The following MS4A4E variants were observed in gnomAD, a reference collection of about 807,000 sequenced individuals.
The protein encoded by MS4A4E is putative membrane-spanning 4-domains subfamily A member 4E.
MS4A4E carries 23 observed loss-of-function variants against 13.3 expected under a neutral mutation model. The observed-to-expected ratio is 1.73, with a 90% CI of 1.25 to 2.45. MS4A4E has a LOEUF of 2.45. Among genes scored for constraint, MS4A4E ranks in the 30% most tolerant of loss-of-function variants. MS4A4E has a pLI of 0.00. For synonymous variants in MS4A4E, 36 were observed against 45.6 expected (o/e 0.79, Z 0.85); for missense variants, 144 against 131.2 (o/e 1.10, Z -0.48).
chr11:60,214,551 C>T lies in MS4A4E; in HGVS notation c.222+20G>A. 6.7e-7 allele frequency: 1 copy of T among 1,488,920 alleles called. No individual in the cohort carries two copies. Among genetic ancestry groups the T allele is most frequent in the Non-Finnish European group, 9.0e-7 (1 of 1,115,160 alleles). 92.2% of individuals were successfully genotyped at this position (1,488,920 alleles called of 1,614,324 possible). On this transcript the variant is annotated intron_variant, in intron 4 of 8. Coordinates refer to ENST00000651255, the MANE Select transcript of MS4A4E (RefSeq NM_001393391.1). ...TGATTAATCCTTTCCTTTTGATACCCCCCACAAAACATTACTCACCAGACC... is the reference window on the plus strand; with the variant it reads ...TGATTAATCCTTTCCTTTTGATACCTCCCACAAAACATTACTCACCAGACC...
rs535677830 is a variant in MS4A4E, at chr11:60,243,056, C to T, written c.-115G>A. 25 of 1,071,144 alleles carry T rather than the reference C, an allele frequency of 2.3e-5. No homozygotes were observed. Among genetic ancestry groups the T allele is most frequent in the East Asian group, 1.8e-4 (7 of 38,630 alleles). 66.4% of individuals were successfully genotyped at this position (1,071,144 alleles called of 1,614,324 possible). ...TGTTCCAGACACAGTCAGCTTCCCC[C>T]ACTCCACACCTCACTCAGTTTAAAT... On this transcript the variant is annotated 5_prime_UTR_variant, in exon 1 of 9. Coordinates refer to ENST00000651255, the MANE Select transcript of MS4A4E (RefSeq NM_001393391.1).
At chr11:60,221,868 A>G (rs2084274096) in intron 3 of MS4A4E, among the ~76,000 whole-genome samples, 2 of 152,234 alleles carry the variant, frequency 1.3e-5, no homozygotes, top group African/African-American at 4.8e-5. Context: ...GAGGATTTTA[A>G]TAATCAAGTA....
chr11:60,218,563 C>T (rs543964258), intron 3 of MS4A4E, among the ~76,000 whole-genome samples: 76 of 152,168 alleles, frequency 5.0e-4, no homozygotes, highest in African/African-American at 1.6e-3. Flanking sequence ...AGCCAGCCAA[C>T]GCTTAGGGAA....
At chr11:60,206,497 A>ATATATGTATATATATG (rs2084047645) in intron 6 of MS4A4E, among the ~76,000 whole-genome samples, 1 of 81,288 alleles carries the variant, frequency 1.2e-5, no homozygotes, top group African/African-American at 5.1e-5. Context: ...ATGTATATAT[A>ATATATGTATATATATG]TACGTATATA....
chr11:60,214,497 C>T, intron 4 of MS4A4E, 74 bp downstream of exon 4: 2 of 1,069,022 alleles, frequency 1.9e-6, no homozygotes, highest in South Asian at 1.9e-5. Context: ...CAAACAAAAC[C>T]TGTTTTATAC....
chr11:60,229,981 A>T lies in MS4A4E; in HGVS notation c.75T>A (p.Asp25Glu), dbSNP rs2084388156. Residue 25 changes from aspartate (D) to glutamate (E), a missense_variant, in exon 2 of 9, where the codon GAT (aspartate) becomes GAA (glutamate). This residue lies in a region of MS4A4E where 119 missense variants were observed against 88.7 expected (regional missense o/e 1.34). Coordinates refer to ENST00000651255, the MANE Select transcript of MS4A4E (RefSeq NM_001393391.1). ...CTTTACACAGATATGAATGTATGAC[A>T]TCTATGTTTCCCAGCTGGGGCACAT... Reference protein sequence around the residue: ...GPDVPQLGNIDVIHSYLCKGL... With the variant: ...GPDVPQLGNIEVIHSYLCKGL... 1.2e-6 allele frequency: 2 copies of T among 1,613,706 alleles called. No individual in the cohort carries two copies. Among genetic ancestry groups the T allele is most frequent in the South Asian group, 2.2e-5 (2 of 91,020 alleles).
At chr11:60,229,072 G>A (rs2084376706) in intron 2 of MS4A4E, among the ~76,000 whole-genome samples, 1 of 152,186 alleles carries the variant, frequency 6.6e-6, no homozygotes, top group South Asian at 2.1e-4. Context: ...TCATCAACTG[G>A]AACAAATGTC....
chr11:60,214,418 T>C (rs1006521073), intron 4 of MS4A4E, among the ~76,000 whole-genome samples, 153 bp downstream of exon 4: 2 of 152,186 alleles, frequency 1.3e-5, no homozygotes, highest in African/African-American at 4.8e-5. Context: ...TCATTAGCCT[T>C]ATCGTAATTT....
intron 1 of MS4A4E, among the ~76,000 whole-genome samples, chr11:60,240,731 T>TC (rs879598412): frequency 6.6e-6 from 1 of 152,042 alleles, no homozygotes; most frequent in Non-Finnish European, 1.5e-5. Flanking sequence ...AATGTTCCAC[T>TC]CCCCCGGCCA....
At chr11:60,236,217 G>A (rs2084480624) in intron 1 of MS4A4E, among the ~76,000 whole-genome samples, 1 of 152,270 alleles carries the variant, frequency 6.6e-6, no homozygotes, top group South Asian at 2.1e-4. Context: ...TTCGTAGTAA[G>A]TTTTGAATTG....
At chr11:60,223,050 G>GA (rs113391522) in intron 3 of MS4A4E, among the ~76,000 whole-genome samples, 2,657 of 144,768 alleles carry the variant, frequency 0.018, 20 homozygotes, top group Non-Finnish European at 0.025. Context: ...ACTCCACCAG[G>GA]AAAAAAAAAA....
rs2084081559 is a variant in MS4A4E at position 60,208,791 on chromosome 11, C to G, written c.382-97G>C. On this transcript the variant is annotated intron_variant, in intron 5 of 8. Coordinates refer to ENST00000651255, the MANE Select transcript of MS4A4E (RefSeq NM_001393391.1). ...AGTGTCATAAGAGAAAAAGCACTGGCTGGGAGTCAGGAAACCTGCCTCCCA... is the reference window on the plus strand; with the variant it reads ...AGTGTCATAAGAGAAAAAGCACTGGGTGGGAGTCAGGAAACCTGCCTCCCA... 1.5e-5 allele frequency: 7 copies of G among 478,726 alleles called. No individual in the cohort carries two copies. In the South Asian group the frequency reaches 3.4e-4, roughly 23 times the overall value. 29.7% of individuals were successfully genotyped at this position (478,726 alleles called of 1,614,324 possible). A position where few individuals can be genotyped will look rare whatever the true frequency, so the allele number is the denominator to read the frequency against.
At position 60,201,063 on chromosome 11, in the gene MS4A4E, G is replaced by A. The variant is rs1290227413; in HGVS notation, c.*480C>T. Among the ~76,000 whole-genome samples the A allele has an allele frequency of 1.4e-5, 2 of 146,566 alleles. No homozygotes were observed. Among genetic ancestry groups the A allele is most frequent in the Non-Finnish European group, 3.0e-5 (2 of 66,234 alleles). On this transcript the variant is annotated 3_prime_UTR_variant, in exon 9 of 9. Coordinates refer to ENST00000651255, the MANE Select transcript of MS4A4E (RefSeq NM_001393391.1). ...CCAGACGTGGTGGCTGGCCGGGTGG[G>A]GGGCTGAACCCCCCACCTCCCTCCC...
At chr11:60,228,109 A>C (rs1433811607) in intron 3 of MS4A4E, among the ~76,000 whole-genome samples, 1 of 152,202 alleles carries the variant, frequency 6.6e-6, no homozygotes, top group Non-Finnish European at 1.5e-5. Context: ...AATTTTATTA[A>C]AATTAAAAAA....
At chr11:60,203,700 G>C (rs926213504) in intron 8 of MS4A4E, among the ~76,000 whole-genome samples, 1 of 152,162 alleles carries the variant, frequency 6.6e-6, no homozygotes, top group African/African-American at 2.4e-5. Context: ...ATTGAGCCAA[G>C]ATCATACCCC....
rs2084021259 is a variant in MS4A4E at position 60,204,926 on chromosome 11, T to C, written c.623A>G (p.Tyr208Cys). ...SGDGQYLEKVYYDILSSWLRI... is the reference protein window; with the variant it reads ...SGDGQYLEKVCYDILSSWLRI... The stretch of plus-strand genomic sequence containing the variant: ...CAACCAAGAAGATAGAATGTCATAA[T>C]AGACTTTTTCCAGATACTGTCCATC... Residue 208 changes from tyrosine to cysteine, a missense_variant, in exon 8 of 9, where the codon TAT (tyrosine) becomes TGT (cysteine). Tyr to Cys is a radical substitution (Grantham distance 194). This residue lies in a region of MS4A4E where 21 missense variants were observed against 25.1 expected (regional missense o/e 0.84). Coordinates refer to ENST00000651255, the MANE Select transcript of MS4A4E (RefSeq NM_001393391.1). Among the ~76,000 whole-genome samples, 1 of 152,152 alleles carries C rather than the reference T, an allele frequency of 6.6e-6. No homozygotes were observed.
chr11:60,230,864 A>G (rs2084401258), intron 1 of MS4A4E, among the ~76,000 whole-genome samples: 1 of 152,212 alleles, frequency 6.6e-6, no homozygotes, highest in Non-Finnish European at 1.5e-5. Flanking sequence ...GCCCACTTCC[A>G]TAAAATTTTA....
intron 8 of MS4A4E, among the ~76,000 whole-genome samples, chr11:60,204,603 G>T (rs1184732706): frequency 6.6e-6 from 1 of 152,168 alleles, no homozygotes; most frequent in Non-Finnish European, 1.5e-5. Flanking sequence ...GCTGCAATCA[G>T]CAGCCATCAT....
At chr11:60,228,535 T>C (rs2084370312) in intron 3 of MS4A4E, 59 bp downstream of exon 3, 1 of 643,898 alleles carries the variant, frequency 1.6e-6, no homozygotes, top group Non-Finnish European at 2.8e-6. Context: ...GAAGACAGTT[T>C]GGCAGTTTCT....
Sources: allele counts gnomAD v4.1 joint callset (sites outside exome capture counted in the v4.1 genomes callset), GRCh38; gene constraint gnomAD v4.1.1; regional missense constraint gnomAD v4.1.1; transcripts MANE v1.5; gene names NCBI Gene and HGNC (gene_info 2026-07-23, HGNC 2026-07-21).